The following AGFG1 variants were observed in gnomAD, a reference collection of about 807,000 sequenced individuals.
The protein encoded by AGFG1 is arf-GAP domain and FG repeat-containing protein 1.
Under a neutral mutation model 60.6 loss-of-function variants are expected in AGFG1, and 10 were observed. The observed-to-expected ratio is 0.16, with a 90% CI of 0.10 to 0.28. AGFG1 has a LOEUF of 0.28. Ranked by LOEUF, AGFG1 falls within the 10% of genes least tolerant of loss-of-function variation. AGFG1 has a pLI of 1.00. For missense variants in AGFG1, 537 were observed against 676.5 expected, an observed-to-expected ratio of 0.79 and a Z score of 2.29; for synonymous variants, 247 against 242.9, an observed-to-expected ratio of 1.02 and a Z score of -0.16.
At chr2:227,473,427 A>C (rs1690180787) in intron 1 of AGFG1, among the ~76,000 whole-genome samples, 1 of 152,178 alleles carries the variant, frequency 6.6e-6, no homozygotes. Flanking sequence ...GTATCTCGCT[A>C]TCAATACCCG....
At position 227,558,055 on chromosome 2, in the gene AGFG1, T is replaced by C. The variant is rs910005264; in HGVS notation, c.*3560T>C. 3.3e-5 allele frequency: 5 copies of C among 152,218 alleles called. No homozygotes were observed. Among genetic ancestry groups the C allele is most frequent in the Non-Finnish European group, 7.3e-5 (5 of 68,030 alleles). The allele number at this position is 152,218 out of a possible 1,614,324, so 9.4% of individuals were successfully genotyped here. A position where few individuals can be genotyped will look rare whatever the true frequency, so the allele number is the denominator to read the frequency against. On this transcript the variant is annotated 3_prime_UTR_variant, in exon 13 of 13. Coordinates refer to ENST00000310078, the MANE Select transcript of AGFG1 (RefSeq NM_004504.5). Reference sequence around the variant, plus strand: ...TAGTGAGAACTGAAATTGCAGACTTTTTAACACTACTTCAAGGTAATAATA... The same window carrying C: ...TAGTGAGAACTGAAATTGCAGACTTCTTAACACTACTTCAAGGTAATAATA...
intron 10 of AGFG1, among the ~76,000 whole-genome samples, chr2:227,545,533 G>T (rs1178515477): frequency 5.3e-5 from 8 of 152,226 alleles, no homozygotes; most frequent in African/African-American, 1.7e-4. Context: ...CTTTGGAGGA[G>T]AAGAGGCACT....
intron 2 of AGFG1, among the ~76,000 whole-genome samples, chr2:227,499,802 G>T (rs1691094708): frequency 6.6e-6 from 1 of 152,188 alleles, no homozygotes; most frequent in Non-Finnish European, 1.5e-5. Context: ...TCTGGAGCTG[G>T]ATAATCTATA....
chr2:227,549,029 G>A (rs1451342705), intron 10 of AGFG1, among the ~76,000 whole-genome samples: 1 of 146,704 alleles, frequency 6.8e-6, no homozygotes, highest in Non-Finnish European at 1.5e-5. Flanking sequence ...TTTTGTATTT[G>A]GAACACAGTG....
intron 3 of AGFG1, among the ~76,000 whole-genome samples, chr2:227,520,270 C>G (rs950049257): frequency 1.3e-5 from 2 of 151,726 alleles, no homozygotes; most frequent in African/African-American, 4.9e-5. Flanking sequence ...TGGCAGCAGG[C>G]TTTTTGTTGT....
chr2:227,543,068 T>A (rs1202008411), intron 10 of AGFG1, among the ~76,000 whole-genome samples: 1 of 152,174 alleles, frequency 6.6e-6, no homozygotes, highest in South Asian at 2.1e-4. Context: ...TTAGTCTTGC[T>A]AGCGGTCTGT....
At chr2:227,533,436 T>G in intron 6 of AGFG1, 113 bp from the exon 7 acceptor site, 1 of 915,768 alleles carries the variant, frequency 1.1e-6, no homozygotes, top group South Asian at 1.7e-5. Flanking sequence ...TTGATTTTAA[T>G]GTTGTAAGAT....
At chr2:227,497,752 T>G (rs1198924284) in intron 2 of AGFG1, among the ~76,000 whole-genome samples, 1 of 132,808 alleles carries the variant, frequency 7.5e-6, no homozygotes, top group South Asian at 2.4e-4. Flanking sequence ...TTTTTTTTTT[T>G]TTTTTTTTTG....
intron 5 of AGFG1, among the ~76,000 whole-genome samples, chr2:227,526,688 G>T (rs1055558523): frequency 2.4e-4 from 36 of 149,150 alleles, no homozygotes; most frequent in African/African-American, 8.4e-4. Flanking sequence ...GATCACAGGC[G>T]CCCGCCACCA....
intron 2 of AGFG1, among the ~76,000 whole-genome samples, chr2:227,505,849 T>G (rs1691297434): frequency 6.6e-6 from 1 of 152,122 alleles, no homozygotes. Flanking sequence ...AGTGATTCTC[T>G]GCCTCAGCCT....
Position 227,531,119 on chromosome 2 carries a change from A to C in AGFG1, c.723A>C (p.Ala241=). The C allele has an allele frequency of 6.2e-7, 1 of 1,613,128 alleles. No homozygotes were observed. The highest frequency in any genetic ancestry group is 8.5e-7 in the Non-Finnish European group (1 of 1,179,468). The change falls in exon 6 of 13, where the codon GCA becomes GCC. Residue 241 remains alanine, a synonymous_variant. Transcript: ENST00000310078. ...AGAATTCTGCAAATGCAGATTTTGC[A>C]AACTTTGATGCATTTGGACAGTCTA... is the stretch of plus-strand genomic sequence containing the variant. The part of the protein sequence containing the change: ...AAQNSANADF[A]NFDAFGQSSG...
intron 10 of AGFG1, among the ~76,000 whole-genome samples, chr2:227,542,277 G>A (rs891147075): frequency 3.3e-5 from 5 of 152,140 alleles, no homozygotes; most frequent in Non-Finnish European, 5.9e-5. Context: ...TGCCCATTCA[G>A]TATGATATTG....
At chr2:227,534,116 A>G (rs1440541668) in intron 7 of AGFG1, among the ~76,000 whole-genome samples, 1 of 151,942 alleles carries the variant, frequency 6.6e-6, no homozygotes, top group African/African-American at 2.4e-5. Context: ...TACTTCGAAC[A>G]ATTTTCCGTT....
At chr2:227,543,504 A>G (rs1438362799) in intron 10 of AGFG1, among the ~76,000 whole-genome samples, 2 of 152,140 alleles carry the variant, frequency 1.3e-5, no homozygotes, top group African/African-American at 4.8e-5. Flanking sequence ...ATTTGATTGC[A>G]CTGTGGTCTG....
chr2:227,547,353 C>T lies in AGFG1; in HGVS notation c.1379-4606C>T, dbSNP rs191374598. 7.8e-3 allele frequency among the ~76,000 whole-genome samples: 1,185 copies of T among 152,280 alleles called. 4 individuals carry two copies. Among genetic ancestry groups the T allele is most frequent in the Non-Finnish European group, 0.013 (864 of 68,012 alleles). ...TGCTCTCCTTGTGCTCTTTCCCTCT[C>T]AATTTACTCTTAATATTTGGACATC... On this transcript the variant is annotated intron_variant, in intron 10 of 12. Coordinates refer to ENST00000310078, the MANE Select transcript of AGFG1 (RefSeq NM_004504.5).
chr2:227,517,811 G>T (rs1691699032), intron 2 of AGFG1, among the ~76,000 whole-genome samples: 1 of 152,096 alleles, frequency 6.6e-6, no homozygotes, highest in South Asian at 2.1e-4. Flanking sequence ...GGAAACTCGT[G>T]GACTTGTTTT....
intron 5 of AGFG1, among the ~76,000 whole-genome samples, chr2:227,526,848 A>G (rs62190985): frequency 1.3e-5 from 2 of 152,024 alleles, no homozygotes; most frequent in Non-Finnish European, 2.9e-5. Flanking sequence ...CCGGCCCTAA[A>G]GATACTTTTT....
At position 227,545,983 on chromosome 2, in the gene AGFG1, A is replaced by C. The variant is rs1007063743; in HGVS notation, c.1379-5976A>C. Among the ~76,000 whole-genome samples the C allele has an allele frequency of 8.5e-5, 13 of 152,306 alleles. No individual in the cohort carries two copies. The South Asian group carries it at 2.7e-3, about 32-fold the overall frequency. ...GGCAGTCTGGCCATTCTCAGATCTC[A>C]GACTCCATGCTGGGAGAACCATTGC... is the stretch of plus-strand genomic sequence containing the variant. On this transcript the variant is annotated intron_variant, in intron 10 of 12. Transcript: ENST00000310078.
At chr2:227,510,724 T>C (rs899270607) in intron 2 of AGFG1, 1 of 152,204 alleles carries the variant, frequency 6.6e-6, no homozygotes, top group Non-Finnish European at 1.5e-5. Flanking sequence ...TCATCCTATC[T>C]AGAACACAGT....
Sources: gnomAD v4.1 joint callset for allele counts (sites outside exome capture counted in the v4.1 genomes callset) on GRCh38, gnomAD v4.1.1 for gene constraint, MANE v1.5 for transcripts, NCBI Gene and HGNC (gene_info 2026-07-23, HGNC 2026-07-21) for gene names.